The following CSMD2 variants were observed in gnomAD, a reference collection of about 807,000 sequenced individuals.
CSMD2 encodes CUB and Sushi multiple domains 2.
A neutral mutation model predicts 398.5 loss-of-function variants in CSMD2; 130 were observed. That is an observed-to-expected ratio of 0.33 (90% CI 0.28 to 0.38). The LOEUF is 0.38. Ranked by LOEUF, CSMD2 falls within the 10% of genes least tolerant of loss-of-function variation. The probability of loss-of-function intolerance (pLI) is 1.00; values close to 1 mark genes in which losing one functional copy is unlikely to be tolerated. For missense variants in CSMD2, 3,829 were observed against 4,764.9 expected (o/e 0.80, Z 5.78); for synonymous variants, 1,828 against 1,908.5 (o/e 0.96, Z 1.10).
At chr1:34,106,365 C>T (rs565670235) in intron 1 of CSMD2, among the ~76,000 whole-genome samples, 1 of 152,280 alleles carries the variant, frequency 6.6e-6, no homozygotes, top group Admixed American at 6.5e-5. Flanking sequence ...TTTGCAATGA[C>T]CCTTTTGAAA....
intron 43 of CSMD2, 101 bp from the exon 44 acceptor site, chr1:33,601,111 C>A: frequency 6.8e-7 from 1 of 1,476,346 alleles, no homozygotes. Context: ...GAGTGGGAGG[C>A]TATGATTCTT....
intron 48 of CSMD2, among the ~76,000 whole-genome samples, chr1:33,578,882 C>T (rs951950513): frequency 1.3e-5 from 2 of 152,172 alleles, no homozygotes; most frequent in African/African-American, 4.8e-5. Context: ...AGCTGCCTTC[C>T]AAGCCGAATT....
At chr1:33,545,209 A>C (rs1656763549) in intron 57 of CSMD2, among the ~76,000 whole-genome samples, 1 of 152,130 alleles carries the variant, frequency 6.6e-6, no homozygotes, top group Non-Finnish European at 1.5e-5. Context: ...GTACTATGCA[A>C]GCTGTATTTT....
intron 29 of CSMD2, among the ~76,000 whole-genome samples, chr1:33,645,828 C>T (rs538016746): frequency 1.3e-5 from 2 of 152,330 alleles, no homozygotes; most frequent in Admixed American, 1.3e-4. Context: ...AATGTTAAGT[C>T]ATAAACATGA....
intron 55 of CSMD2, among the ~76,000 whole-genome samples, chr1:33,551,526 C>T (rs978829269): frequency 6.6e-6 from 1 of 152,340 alleles, no homozygotes; most frequent in East Asian, 1.9e-4. Flanking sequence ...CAGACCACAA[C>T]AGGTGACCAA....
chr1:33,810,920 C>T, intron 9 of CSMD2, 56 bp from the exon 10 acceptor site: 1 of 1,591,260 alleles, frequency 6.3e-7, no homozygotes, highest in Non-Finnish European at 8.5e-7. Flanking sequence ...AGTTCCCCTT[C>T]TTGCCTCCCA....
At chr1:34,138,227 C>G (rs976153090) in intron 1 of CSMD2, among the ~76,000 whole-genome samples, 1 of 152,166 alleles carries the variant, frequency 6.6e-6, no homozygotes, top group East Asian at 1.9e-4. Flanking sequence ...GGTCCCAGAT[C>G]AAGGTTTTAA....
chr1:33,525,324 TAAAGA>T (rs1483251575), intron 65 of CSMD2, among the ~76,000 whole-genome samples: 2 of 152,062 alleles, frequency 1.3e-5, no homozygotes. Flanking sequence ...AATGAACAAA[TAAAGA>T]AAAGGGTATA....
chr1:34,035,230 C>T (rs1650967771), intron 2 of CSMD2, among the ~76,000 whole-genome samples: 1 of 151,960 alleles, frequency 6.6e-6, no homozygotes, highest in Non-Finnish European at 1.5e-5. Context: ...TTTAAAACTC[C>T]CAAAAAAGAA....
rs970194409 is a variant in CSMD2, at chr1:33,540,702, G to C, written c.9458-4C>G. 1 of 1,614,096 alleles carries C rather than the reference G, an allele frequency of 6.2e-7. No homozygotes were observed. ...GGAGGTGGCTTGCACATGAGAGCTG[G>C]AGGGAGACCAAAGCAGGCTGAGTTC... On this transcript the variant is annotated splice_region_variant and splice_polypyrimidine_tract_variant and intron_variant, in intron 59 of 70. Transcript: ENST00000373381.
At chr1:33,638,593 T>TG (rs1642936431) in intron 29 of CSMD2, among the ~76,000 whole-genome samples, 1 of 152,240 alleles carries the variant, frequency 6.6e-6, no homozygotes, top group Admixed American at 6.5e-5. Context: ...CCGTGTCACT[T>TG]GGGGTAAAAC....
At chr1:33,952,540 C>T (rs1192176536) in intron 3 of CSMD2, among the ~76,000 whole-genome samples, 1 of 152,212 alleles carries the variant, frequency 6.6e-6, no homozygotes, top group East Asian at 1.9e-4. Context: ...CCTCACCACC[C>T]TTTATTATAC....
chr1:34,149,596 G>A (rs1171314339), intron 1 of CSMD2, among the ~76,000 whole-genome samples: 1 of 152,200 alleles, frequency 6.6e-6, no homozygotes, highest in East Asian at 1.9e-4. Flanking sequence ...TAGTGATTCA[G>A]GAGCTCCAAG....
Position 33,772,647 on chromosome 1 carries a change from C to A in CSMD2, c.1768G>T (p.Ala590Ser). The part of the protein sequence containing the change: ...GDTLKFECQP[A>S]FELVGQKAIT... ...GCCTTCTGTCCCACCAGCTCAAAGG[C>A]GGGCTGGCACTCAAACTTGAGTGTG... The change falls in exon 13 of 71, where the codon GCC becomes TCC. Residue 590 changes from alanine (A) to serine (S), a missense_variant. Around this residue, in one of 5 missense-constraint regions of CSMD2, gnomAD observed 2,001 missense variants for 2,567.1 expected, o/e 0.78. Coordinates refer to ENST00000373381, the MANE Select transcript of CSMD2 (RefSeq NM_001281956.2). 1 of 1,614,126 alleles carries A rather than the reference C, an allele frequency of 6.2e-7. No homozygotes were observed. The highest frequency in any genetic ancestry group is 8.5e-7 in the Non-Finnish European group (1 of 1,179,998).
rs549662808 is a variant in CSMD2 at position 34,040,890 on chromosome 1, C to T, written c.405-8184G>A. 8.5e-5 allele frequency among the ~76,000 whole-genome samples: 13 copies of T among 152,066 alleles called. No homozygotes were observed. The East Asian group carries it at 1.9e-3, about 23-fold the overall frequency. The stretch of plus-strand genomic sequence containing the variant: ...CTGTAATCCCAACATTTTGAGAGGC[C>T]GAGGCAGGAGTATCGCTTGAGGCCA... On this transcript the variant is annotated intron_variant, in intron 2 of 70. Transcript: ENST00000373381.
rs370646948 is a variant in CSMD2, at chr1:33,519,807, G to A, written c.10736+5C>T. The A allele has an allele frequency of 1.7e-5, 28 of 1,613,552 alleles. No homozygotes were observed. The highest frequency in any genetic ancestry group is 4.5e-5 in the East Asian group (2 of 44,828). On this transcript the variant is annotated splice_donor_5th_base_variant and intron_variant, in intron 69 of 70. Transcript: ENST00000373381. This position sits in a 1 kb window ranked among gnomAD's most constrained non-coding sequence, Gnocchi z 5.6. Reference sequence around the variant, plus strand: ...TGCCCGCCCTGCCTCCTTCCTGCACGGTACCTGTGCTTGTAGAGATAGAGC... The same window carrying A: ...TGCCCGCCCTGCCTCCTTCCTGCACAGTACCTGTGCTTGTAGAGATAGAGC...
Position 33,635,556 on chromosome 1 carries a change from C to T in CSMD2, c.4970-226G>A, listed in dbSNP as rs968006050. On this transcript the variant is annotated intron_variant, in intron 30 of 70. Coordinates refer to ENST00000373381, the MANE Select transcript of CSMD2 (RefSeq NM_001281956.2). The surrounding 1 kb of genome is among the most constrained non-coding windows in gnomAD (Gnocchi z 5.0). ...TTGCCCTGAAGCTACCGAGGGCCCT[C>T]TTGGGCAGGTGTCAGTTCTTGCCCT... 2.6e-5 allele frequency among the ~76,000 whole-genome samples: 4 copies of T among 152,210 alleles called. 1 individual carries two copies. Among genetic ancestry groups the T allele is most frequent in the Admixed American group, 2.6e-4 (4 of 15,290 alleles).
At chr1:34,079,081 C>T (rs765282256) in intron 2 of CSMD2, among the ~76,000 whole-genome samples, 1 of 152,144 alleles carries the variant, frequency 6.6e-6, no homozygotes, top group Non-Finnish European at 1.5e-5. Context: ...CACACTGCCA[C>T]CAAATCATGC....
chr1:33,793,812 G>T (rs775291174), intron 10 of CSMD2, among the ~76,000 whole-genome samples: 7 of 152,102 alleles, frequency 4.6e-5, no homozygotes, highest in Non-Finnish European at 1.0e-4. Context: ...GGATGCATGT[G>T]GTGCTGAGGG....
Sources: allele counts gnomAD v4.1 joint callset (sites outside exome capture counted in the v4.1 genomes callset), GRCh38; gene constraint gnomAD v4.1.1; regional missense constraint gnomAD v4.1.1; non-coding constraint Gnocchi (gnomAD v3.1); transcripts MANE v1.5; gene names NCBI Gene and HGNC (gene_info 2026-07-23, HGNC 2026-07-21).